Variants in GNAI1 observed in about 807,000 individuals in gnomAD.
GNAI1 encodes the protein G protein subunit alpha i1, also known as guanine nucleotide-binding protein G(i) subunit alpha-1.
In GNAI1, 11 loss-of-function variants were observed where a neutral mutation model predicts 38.9. That is an observed-to-expected ratio of 0.28 (90% confidence interval 0.18 to 0.47). The LOEUF (loss-of-function observed/expected upper bound fraction) is 0.47, where lower values mean the gene tolerates loss of function less well. GNAI1 is among the 20% of genes least tolerant of loss of function. GNAI1 has a pLI of 0.99. For missense variants in GNAI1, 317 were observed against 436.9 expected (o/e 0.73, Z 2.45); for synonymous variants, 166 against 145.1 (o/e 1.14, Z -1.04).
At position 80,220,254 on chromosome 7, in the gene GNAI1, G is replaced by C. The variant is rs922081170; in HGVS notation, c.*2761G>C. Among the ~76,000 whole-genome samples, 1 of 152,172 alleles carries C rather than the reference G, an allele frequency of 6.6e-6. No individual in the cohort carries two copies. Among genetic ancestry groups the C allele is most frequent in the Non-Finnish European group, 1.5e-5 (1 of 68,036 alleles). On this transcript the variant is annotated 3_prime_UTR_variant, in exon 8 of 8. Coordinates refer to ENST00000649796, the MANE Select transcript of GNAI1 (RefSeq NM_002069.6). ...CTGTATTACTTACTACATGTGATAT[G>C]CTTAGAGCAGTGCCTACAATGTGGG...
chr7:80,148,878 A>T (rs887785687), intron 1 of GNAI1, among the ~76,000 whole-genome samples: 12 of 152,098 alleles, frequency 7.9e-5, no homozygotes, highest in African/African-American at 2.9e-4. Flanking sequence ...CTTCCTTGTA[A>T]TATATTTCCC....
intron 1 of GNAI1, among the ~76,000 whole-genome samples, chr7:80,152,208 C>G (rs546419812): frequency 2.0e-5 from 3 of 152,176 alleles, no homozygotes; most frequent in Admixed American, 1.3e-4. Context: ...TATACTGCCT[C>G]TCAGTCCTCT....
chr7:80,173,105 G>T (rs1453413336), intron 1 of GNAI1, among the ~76,000 whole-genome samples: 1 of 152,056 alleles, frequency 6.6e-6, no homozygotes, highest in Non-Finnish European at 1.5e-5. Flanking sequence ...TACCACTTCT[G>T]GATTGTGCCC....
At chr7:80,210,763 A>G (rs1279566410) in intron 5 of GNAI1, among the ~76,000 whole-genome samples, 8 of 149,162 alleles carry the variant, frequency 5.4e-5, no homozygotes, top group African/African-American at 2.0e-4. Flanking sequence ...CCCTCCCTTC[A>G]ATCAAAAATT....
intron 1 of GNAI1, among the ~76,000 whole-genome samples, chr7:80,142,911 A>T (rs545215294): frequency 6.6e-6 from 1 of 152,018 alleles, no homozygotes; most frequent in Admixed American, 6.6e-5. Flanking sequence ...CTTTGTTTTT[A>T]ACAGTATTGC....
At chr7:80,136,249 T>C (rs2116055797) in intron 1 of GNAI1, among the ~76,000 whole-genome samples, 1 of 152,298 alleles carries the variant, frequency 6.6e-6, no homozygotes, top group East Asian at 1.9e-4. Context: ...TTTCTTTTGT[T>C]TGCATGTTTT....
In GNAI1 at chr7:80,189,196, AG is replaced by A; in HGVS notation, c.270del (p.Arg90SerfsTer2). 6.2e-7 allele frequency: 1 copy of A among 1,610,508 alleles called. No individual in the cohort carries two copies. ...SIIAIIRAMG[R>X]LKIDFGDSAR... ...TATTGCTATCATTAGGGCTATGGGG[AG>A]GTTGAAGATAGACTTTGGTGACTCA... On this transcript the variant is annotated frameshift_variant, in exon 3 of 8. Transcript: ENST00000649796. LOFTEE classifies it high-confidence loss of function.
chr7:80,202,295 G>A (rs138261187), intron 4 of GNAI1, among the ~76,000 whole-genome samples: 242 of 152,094 alleles, frequency 1.6e-3, no homozygotes, highest in African/African-American at 2.6e-3. Flanking sequence ...TCACCATGTT[G>A]GCCAGGATGG....
intron 1 of GNAI1, among the ~76,000 whole-genome samples, chr7:80,138,917 A>G (rs998292968): frequency 6.6e-6 from 1 of 152,126 alleles, no homozygotes; most frequent in Non-Finnish European, 1.5e-5. Flanking sequence ...TGCTGCCACC[A>G]GGCAGCCCTT....
chr7:80,138,552 C>T (rs745798111), intron 1 of GNAI1, among the ~76,000 whole-genome samples: 12 of 152,024 alleles, frequency 7.9e-5, no homozygotes, highest in Non-Finnish European at 1.5e-4. Context: ...ATTGTTATAT[C>T]TTTGAGAATG....
At chr7:80,199,422 ATTAC>A in intron 4 of GNAI1, 40 bp downstream of exon 4, 1 of 1,435,992 alleles carries the variant, frequency 7.0e-7, no homozygotes, top group Non-Finnish European at 9.5e-7. Flanking sequence ...ATCATGAATA[ATTAC>A]TTGCAAGTCA....
chr7:80,182,486 A>G (rs1007702866), intron 1 of GNAI1, among the ~76,000 whole-genome samples: 4 of 152,196 alleles, frequency 2.6e-5, no homozygotes, highest in African/African-American at 9.7e-5. Flanking sequence ...TACAGTCATT[A>G]TTAAATTCTT....
chr7:80,154,759 T>C (rs1787790837), intron 1 of GNAI1, among the ~76,000 whole-genome samples: 1 of 152,248 alleles, frequency 6.6e-6, no homozygotes, highest in Non-Finnish European at 1.5e-5. Flanking sequence ...AAATGGTATT[T>C]TCTTGAAAAT....
At chr7:80,172,184 G>T (rs1788108071) in intron 1 of GNAI1, among the ~76,000 whole-genome samples, 1 of 152,188 alleles carries the variant, frequency 6.6e-6, no homozygotes, top group South Asian at 2.1e-4. Context: ...TCTATGGCTA[G>T]TGAATAGTTG....
chr7:80,142,601 C>G (rs1283721959), intron 1 of GNAI1, among the ~76,000 whole-genome samples: 1 of 152,188 alleles, frequency 6.6e-6, no homozygotes, highest in Non-Finnish European at 1.5e-5. Flanking sequence ...CACATAGTAG[C>G]TGTTTCATAA....
intron 1 of GNAI1, among the ~76,000 whole-genome samples, chr7:80,186,023 CTTTTTTT>C (rs533371119): frequency 1.1e-4 from 11 of 103,514 alleles, no homozygotes; most frequent in African/African-American, 2.4e-4. Context: ...CATCCGCACT[CTTTTTTT>C]TTTTTTTTTT....
chr7:80,136,556 C>T (rs1049651812), intron 1 of GNAI1, among the ~76,000 whole-genome samples: 3 of 152,076 alleles, frequency 2.0e-5, no homozygotes, highest in African/African-American at 7.2e-5. Context: ...ACCTGGGTGG[C>T]TTTTTTCACC....
At chr7:80,171,186 T>A (rs1788092836) in intron 1 of GNAI1, among the ~76,000 whole-genome samples, 1 of 152,256 alleles carries the variant, frequency 6.6e-6, no homozygotes, top group Non-Finnish European at 1.5e-5. Flanking sequence ...TTCTGATTAG[T>A]ATTTACTTGC....
chr7:80,189,062 T>C (rs1562836829), intron 2 of GNAI1, 28 bp from the exon 3 acceptor site: 2 of 1,602,726 alleles, frequency 1.2e-6, no homozygotes. Flanking sequence ...AAGTAAATAA[T>C]TCTTTTTTTT....
Sources: gnomAD v4.1 joint callset for allele counts (sites outside exome capture counted in the v4.1 genomes callset) on GRCh38, gnomAD v4.1.1 for gene constraint, MANE v1.5 for transcripts, NCBI Gene and HGNC (gene_info 2026-07-23, HGNC 2026-07-21) for gene names.